TENM1: variants seen among roughly 807,000 people sequenced by gnomAD.
The protein encoded by TENM1 is teneurin-1.
A neutral mutation model predicts 174.8 loss-of-function variants in TENM1; 35 were observed. The ratio of observed to expected loss-of-function variants is 0.20; its 90% CI spans 0.15 to 0.27. The LOEUF is 0.27. TENM1 is among the 10% of genes least tolerant of loss of function. The probability of loss-of-function intolerance (pLI) is 1.00; values close to 1 mark genes in which losing one functional copy is unlikely to be tolerated. For synonymous variants in TENM1, 781 were observed against 798.7 expected, an observed-to-expected ratio of 0.98 and a Z score of 0.37; for missense variants, 1,633 against 2,130.1, an observed-to-expected ratio of 0.77 and a Z score of 4.59.
intron 2 of TENM1, 55 bp downstream of exon 5, chrX:124,895,926 G>A (rs776205844): frequency 8.5e-7 from 1 of 1,173,008 alleles, no homozygotes; most frequent in Non-Finnish European, 1.2e-6. Flanking sequence ...CAAAGCAAAG[G>A]CTAAAAACTG....
At chrX:124,802,824 T>C (rs1448517224) in intron 3 of TENM1, among the ~76,000 whole-genome samples, 1 of 111,782 alleles carries the variant, frequency 8.9e-6, no homozygotes, top group East Asian at 2.8e-4. Flanking sequence ...AAACAAACTA[T>C]TGTACTGCAA....
At chrX:124,832,003 T>A (rs1195867476) in intron 3 of TENM1, among the ~76,000 whole-genome samples, 1 of 111,778 alleles carries the variant, frequency 8.9e-6, no homozygotes, top group East Asian at 2.8e-4. Context: ...AAAGTTTAGT[T>A]GCAGTGCATA....
chrX:124,984,997 G>A, the TENM1 span, among the ~76,000 whole-genome samples: 26 of 111,902 alleles, frequency 2.3e-4, no homozygotes, highest in Non-Finnish European at 4.9e-4. Context: ...GTCCTATTTG[G>A]TGTTTGTTTC....
the TENM1 span, among the ~76,000 whole-genome samples, chrX:125,107,041 A>G: frequency 8.9e-6 from 1 of 112,028 alleles, no homozygotes; most frequent in East Asian, 2.8e-4. Flanking sequence ...TTCATTCTCT[A>G]TTGCTAAATG....
At chrX:124,896,291 C>A (rs754055757) in intron 1 of TENM1, 50 bp from the exon 5 acceptor site, 109 of 1,150,823 alleles carry the variant, frequency 9.5e-5, no homozygotes, top group Non-Finnish European at 1.2e-4. Context: ...TGAAGAAATC[C>A]CCCAGAAAAT....
chrX:124,570,679 A>G (rs776153493), intron 11 of TENM1, among the ~76,000 whole-genome samples: 14 of 112,028 alleles, frequency 1.2e-4, no homozygotes, highest in Non-Finnish European at 2.5e-4. Context: ...AAAAACTTGT[A>G]GCAAACTAAG....
In TENM1 at chrX:124,597,672, C is replaced by A. The variant is rs559081744; in HGVS notation, c.2078-32112G>T. 4.4e-4 allele frequency among the ~76,000 whole-genome samples: 49 copies of A among 110,690 alleles called. 1 individual carries two copies. In the South Asian group the frequency reaches 0.017, roughly 37 times the overall value. ...TGTAACCAAACACCACCTCCTCCCC[C>A]CAAACCTATTGAAATAAGAAAAAGA... On this transcript the variant is annotated intron_variant, in intron 11 of 31. Transcript: ENST00000422452.
At chrX:124,571,653 A>G (rs1363287777) in intron 11 of TENM1, among the ~76,000 whole-genome samples, 1 of 112,169 alleles carries the variant, frequency 8.9e-6, no homozygotes, top group Non-Finnish European at 1.9e-5. Flanking sequence ...AAATTCAAAA[A>G]TAAATTAGAG....
rs747405218 is a variant in TENM1, at chrX:124,862,344, GCT to G, written c.535+31950_535+31951del. Among the ~76,000 whole-genome samples, 12 of 111,614 alleles carry G rather than the reference GCT, an allele frequency of 1.1e-4. No individual in the cohort carries two copies. In the South Asian group the frequency reaches 4.6e-3, roughly 42 times the overall value. ...TAGTACCTGGTTTTAACTTCATATTGCTGAAAGCGGCACTGAAGAGATAGAAA... is the reference window on the plus strand; with the variant it reads ...TAGTACCTGGTTTTAACTTCATATTGGAAAGCGGCACTGAAGAGATAGAAA... On this transcript the variant is annotated intron_variant, in intron 3 of 31. Transcript: ENST00000422452.
chrX:125,177,011 C>A, the TENM1 span, among the ~76,000 whole-genome samples: 1 of 110,036 alleles, frequency 9.1e-6, no homozygotes, highest in Non-Finnish European at 1.9e-5. Flanking sequence ...AATATTAAAG[C>A]ATTAATCAGG....
exon 2 of TENM1, chrX:124,896,227 C>G: frequency 8.3e-7 from 1 of 1,204,131 alleles, no homozygotes; most frequent in Non-Finnish European, 1.1e-6. Flanking sequence ...TGAGAGGTTT[C>G]ACAGAATTCC....
intron 11 of TENM1, among the ~76,000 whole-genome samples, chrX:124,617,304 C>G (rs888920882): frequency 8.9e-6 from 1 of 111,855 alleles, no homozygotes; most frequent in Non-Finnish European, 1.9e-5. Context: ...ACTTTCATAC[C>G]TGACTAGACT....
the TENM1 span, among the ~76,000 whole-genome samples, chrX:125,060,599 T>C: frequency 9.0e-6 from 1 of 111,179 alleles, no homozygotes; most frequent in Non-Finnish European, 1.9e-5. Flanking sequence ...CTTTATAATA[T>C]AATTATATGG....
At chrX:124,832,508 C>T (rs2056311582) in intron 3 of TENM1, among the ~76,000 whole-genome samples, 1 of 111,943 alleles carries the variant, frequency 8.9e-6, no homozygotes, top group African/African-American at 3.3e-5. Context: ...AGTCTTCTGG[C>T]TTTGGTTTCT....
intron 11 of TENM1, among the ~76,000 whole-genome samples, chrX:124,600,978 G>A (rs1245057093): frequency 1.8e-5 from 2 of 111,765 alleles, no homozygotes; most frequent in African/African-American, 6.5e-5. Flanking sequence ...GCTGTATTGT[G>A]GTTATGTAGA....
At chrX:124,610,550 C>A (rs1342157799) in intron 11 of TENM1, among the ~76,000 whole-genome samples, 2 of 110,657 alleles carry the variant, frequency 1.8e-5, no homozygotes, top group Non-Finnish European at 3.8e-5. Context: ...TGTACTTCTT[C>A]CTACTACTAA....
intron 3 of TENM1, among the ~76,000 whole-genome samples, chrX:124,792,583 C>T (rs927493247): frequency 3.6e-5 from 4 of 111,289 alleles, no homozygotes; most frequent in East Asian, 2.8e-4. Flanking sequence ...TATGAAAATT[C>T]GAAGCATATT....
chrX:125,087,671 A>C, the TENM1 span, among the ~76,000 whole-genome samples: 1 of 111,442 alleles, frequency 9.0e-6, no homozygotes, highest in African/African-American at 3.3e-5. Flanking sequence ...TAAAACACTA[A>C]AACCCTACAT....
chrX:124,542,019 C>T (rs1483424431), intron 15 of TENM1, among the ~76,000 whole-genome samples: 1 of 111,936 alleles, frequency 8.9e-6, no homozygotes, highest in Non-Finnish European at 1.9e-5. Context: ...CAGTAGGAGG[C>T]CCAAGTAGTC....
Sources: gnomAD v4.1 joint callset for allele counts (sites outside exome capture counted in the v4.1 genomes callset) on GRCh38, gnomAD v4.1.1 for gene constraint, MANE v1.5 for transcripts, NCBI Gene and HGNC (gene_info 2026-07-23, HGNC 2026-07-21) for gene names.